The following GRIA1 variants were observed in gnomAD, a reference collection of about 807,000 sequenced individuals.
GRIA1 encodes the protein glutamate ionotropic receptor AMPA type subunit 1.
GRIA1 carries 31 observed loss-of-function variants against 99.2 expected under a neutral mutation model. That is an observed-to-expected ratio of 0.31 (90% CI 0.23 to 0.42). The LOEUF (loss-of-function observed/expected upper bound fraction) is 0.42. GRIA1 is among the 10% of genes least tolerant of loss of function. The pLI, the probability that GRIA1 is intolerant of heterozygous loss-of-function variation, is 1.00. For synonymous variants in GRIA1, 438 were observed against 432.4 expected, an observed-to-expected ratio of 1.01 and a Z score of -0.16; for missense variants, 782 against 1,157.5, an observed-to-expected ratio of 0.68 and a Z score of 4.71.
At chr5:153,638,585 C>T (rs1013581377) in intron 2 of GRIA1, among the ~76,000 whole-genome samples, 4 of 152,206 alleles carry the variant, frequency 2.6e-5, no homozygotes, top group African/African-American at 4.8e-5. Context: ...ACAGTTATCA[C>T]AAATGGCTGG....
Position 153,706,625 on chromosome 5 carries a change from G to C in GRIA1, c.1823+558G>C, listed in dbSNP as rs569484058. 7.9e-5 allele frequency among the ~76,000 whole-genome samples: 12 copies of C among 152,318 alleles called. No individual in the cohort carries two copies. In the South Asian group the frequency reaches 2.5e-3, roughly 32 times the overall value. ...AGCACTGGATTATGAGTAAGTTCTA[G>C]CACTGGTTCTAGCACATGGGCCCTT... On this transcript the variant is annotated intron_variant, in intron 11 of 15. Transcript: ENST00000285900.
chr5:153,518,375 G>A (rs1756825125), intron 2 of GRIA1, among the ~76,000 whole-genome samples: 1 of 152,160 alleles, frequency 6.6e-6, no homozygotes, highest in East Asian at 1.9e-4. Flanking sequence ...TCTAGTCTGG[G>A]GTTAGCACAG....
intron 2 of GRIA1, among the ~76,000 whole-genome samples, chr5:153,499,708 G>A (rs1754803461): frequency 6.6e-6 from 1 of 151,642 alleles, no homozygotes; most frequent in African/African-American, 2.4e-5. Flanking sequence ...GTGTCACAGT[G>A]GAATTTATGA....
At chr5:153,797,721 T>C (rs1765736366) in intron 14 of GRIA1, among the ~76,000 whole-genome samples, 1 of 152,162 alleles carries the variant, frequency 6.6e-6, no homozygotes, top group Non-Finnish European at 1.5e-5. Flanking sequence ...CGGTGCATTG[T>C]ACAGCAGCCG....
At chr5:153,725,976 C>T (rs1366835728) in intron 11 of GRIA1, among the ~76,000 whole-genome samples, 6 of 143,592 alleles carry the variant, frequency 4.2e-5, no homozygotes, top group African/African-American at 1.6e-4. Flanking sequence ...CCAAAATTGA[C>T]CACATAGTTG....
At chr5:153,749,716 G>T (rs1023773400) in intron 11 of GRIA1, among the ~76,000 whole-genome samples, 4 of 151,894 alleles carry the variant, frequency 2.6e-5, no homozygotes, top group Non-Finnish European at 5.9e-5. Flanking sequence ...CATGAGATTT[G>T]GAGGGACAAA....
chr5:153,683,829 C>G (rs1355097338), intron 7 of GRIA1, among the ~76,000 whole-genome samples: 1 of 152,142 alleles, frequency 6.6e-6, no homozygotes, highest in African/African-American at 2.4e-5. Context: ...AGACAATGTG[C>G]TAAGTACTTC....
rs773431386 is a variant in GRIA1 at position 153,650,427 on chromosome 5, G to A, written c.558G>A (p.Arg186=). 3.1e-6 allele frequency: 5 copies of A among 1,613,928 alleles called. No homozygotes were observed. Among genetic ancestry groups the A allele is most frequent in the Non-Finnish European group, 4.2e-6 (5 of 1,179,942 alleles). ...NILTTTEEGY[R]MLFQDLEKKK... ...TGACAACCACAGAGGAGGGATACCG[G>A]ATGCTCTTTCAGGACCTGGAGAAGA... The change falls in exon 4 of 16, where the codon CGG becomes CGA. Residue 186 remains arginine, a synonymous_variant. Transcript: ENST00000285900.
At chr5:153,533,660 C>G (rs574117607) in intron 2 of GRIA1, among the ~76,000 whole-genome samples, 1 of 152,224 alleles carries the variant, frequency 6.6e-6, no homozygotes, top group East Asian at 1.9e-4. Context: ...ATTTTTATTT[C>G]TCCATTGACA....
At position 153,628,074 on chromosome 5, in the gene GRIA1, A is replaced by G. The variant is rs565492840; in HGVS notation, c.221-18854A>G. 4.8e-4 allele frequency among the ~76,000 whole-genome samples: 73 copies of G among 152,350 alleles called. 1 individual carries two copies. In the South Asian group the frequency reaches 0.015, roughly 32 times the overall value. On this transcript the variant is annotated intron_variant, in intron 2 of 15. Coordinates refer to ENST00000285900, the MANE Select transcript of GRIA1 (RefSeq NM_000827.4). The stretch of plus-strand genomic sequence containing the variant: ...TTAGGTGTAGTGTGAAGGGAGGATC[A>G]GACATAGTTAATTCTAACACGAGGT...
intron 2 of GRIA1, among the ~76,000 whole-genome samples, chr5:153,639,586 C>T (rs1313938856): frequency 1.3e-5 from 2 of 152,218 alleles, no homozygotes; most frequent in Non-Finnish European, 1.5e-5. Flanking sequence ...ATAGTCCTGC[C>T]AGTCACTCTC....
At position 153,619,299 on chromosome 5, in the gene GRIA1, T is replaced by C. The variant is rs138823211; in HGVS notation, c.221-27629T>C. On this transcript the variant is annotated intron_variant, in intron 2 of 15. Transcript: ENST00000285900. ...TGAGGTACATTAGGAAGCCCCAAAC[T>C]TATCCTTGTATTTAATTCATTTGAA... 1.0e-3 allele frequency among the ~76,000 whole-genome samples: 152 copies of C among 152,358 alleles called. 1 individual carries two copies. The highest frequency in any genetic ancestry group is 3.5e-3 in the African/African-American group (147 of 41,580).
chr5:153,573,032 A>C (rs1421675418), intron 2 of GRIA1, among the ~76,000 whole-genome samples: 1 of 152,144 alleles, frequency 6.6e-6, no homozygotes, highest in Non-Finnish European at 1.5e-5. Flanking sequence ...TCACAAAAGG[A>C]CTGGGCAAAA....
intron 10 of GRIA1, among the ~76,000 whole-genome samples, chr5:153,699,745 A>T (rs902185043): frequency 3.3e-5 from 5 of 152,146 alleles, no homozygotes; most frequent in African/African-American, 1.2e-4. Context: ...CAGGGGTAGG[A>T]CTATTCTATC....
intron 11 of GRIA1, among the ~76,000 whole-genome samples, chr5:153,756,634 C>T (rs1159399620): frequency 1.3e-5 from 2 of 152,150 alleles, no homozygotes; most frequent in South Asian, 2.1e-4. Flanking sequence ...CCATACAGCT[C>T]CAGTACCCGC....
chr5:153,530,129 T>C (rs1757960164), intron 2 of GRIA1, among the ~76,000 whole-genome samples: 1 of 152,188 alleles, frequency 6.6e-6, no homozygotes, highest in South Asian at 2.1e-4. Context: ...AGCCCATTCT[T>C]ACAGAAGTTC....
chr5:153,783,644 A>T (rs1373351465), intron 13 of GRIA1, among the ~76,000 whole-genome samples: 1 of 152,238 alleles, frequency 6.6e-6, no homozygotes, highest in Non-Finnish European at 1.5e-5. Context: ...GCACATTTTA[A>T]ACTGCTGTGC....
At position 153,531,235 on chromosome 5, in the gene GRIA1, G is replaced by T. The variant is rs1758070128; in HGVS notation, c.220+37170G>T. The stretch of plus-strand genomic sequence containing the variant: ...AGGAAGCCCACATGGGGGTTGGGAG[G>T]TGGTGAGCCCTAGAGGTAGAGTGCT... On this transcript the variant is annotated intron_variant, in intron 2 of 15. Transcript: ENST00000285900. 1.3e-5 allele frequency among the ~76,000 whole-genome samples: 2 copies of T among 152,194 alleles called. 1 individual carries two copies. Among genetic ancestry groups the T allele is most frequent in the Admixed American group, 1.3e-4 (2 of 15,280 alleles).
chr5:153,511,540 G>A (rs895086372), intron 2 of GRIA1, among the ~76,000 whole-genome samples: 3 of 152,154 alleles, frequency 2.0e-5, no homozygotes, highest in African/African-American at 7.2e-5. Flanking sequence ...TTACAAGTGT[G>A]TAATTTCTCA....
Sources: gnomAD v4.1 joint callset for allele counts (sites outside exome capture counted in the v4.1 genomes callset) on GRCh38, gnomAD v4.1.1 for gene constraint, MANE v1.5 for transcripts, NCBI Gene and HGNC (gene_info 2026-07-23, HGNC 2026-07-21) for gene names.